The following PEX3 variants were observed in gnomAD, a reference collection of about 807,000 sequenced individuals.
PEX3 encodes peroxin-3.
A neutral mutation model predicts 55.8 loss-of-function variants in PEX3; 30 were observed. The observed-to-expected ratio is 0.54, with a 90% CI of 0.40 to 0.73. The LOEUF (loss-of-function observed/expected upper bound fraction) is 0.73, where lower values mean the gene tolerates loss of function less well. Ranked by LOEUF, PEX3 falls within the 30% of genes least tolerant of loss-of-function variation. PEX3 has a pLI of 0.00. For missense variants in PEX3, 351 were observed against 432.8 expected, an observed-to-expected ratio of 0.81 and a Z score of 1.68; for synonymous variants, 135 against 148.4, an observed-to-expected ratio of 0.91 and a Z score of 0.66.
chr6:143,478,161 C>G (rs1780178827), intron 9 of PEX3, among the ~76,000 whole-genome samples: 1 of 152,026 alleles, frequency 6.6e-6, no homozygotes, highest in African/African-American at 2.4e-5. Flanking sequence ...TGAAAGAAGC[C>G]AGACACAAAA....
chr6:143,479,113 C>A lies in PEX3; in HGVS notation c.856C>A (p.Arg286=), dbSNP rs147556993. The A allele has an allele frequency of 2.1e-4, 338 of 1,589,028 alleles. 1 individual carries two copies. The African/African-American group carries it at 4.1e-3, about 19-fold the overall frequency. ...TACAGTTTTGAATACCTGTTTAAAC[C>A]GAGGTTTTAGTAGACTTCTAGACAA... ...FSTVLNTCLN[R]GFSRLLDNMA... The change falls in exon 10 of 12, where the codon CGA becomes AGA. Residue 286 remains arginine, a synonymous_variant. Transcript: ENST00000367591. This position sits in a 1 kb window ranked among gnomAD's most constrained non-coding sequence, Gnocchi z 4.6.
intron 8 of PEX3, 80 bp downstream of exon 8, chr6:143,472,408 A>C: frequency 3.0e-6 from 3 of 997,166 alleles, no homozygotes; most frequent in Admixed American, 1.8e-5. Flanking sequence ...TTGATTTCTG[A>C]GTCTCTTGAA....
intron 10 of PEX3, among the ~76,000 whole-genome samples, chr6:143,484,019 G>A (rs1306020316): frequency 6.6e-6 from 1 of 151,842 alleles, no homozygotes; most frequent in African/African-American, 2.4e-5. Context: ...TTTAAGCATT[G>A]CCTCAAATCT....
intron 2 of PEX3, among the ~76,000 whole-genome samples, chr6:143,460,060 G>A (rs1307828072): frequency 6.6e-6 from 1 of 152,072 alleles, no homozygotes. Context: ...CTTTTCTATT[G>A]TTTAAAGCTT....
In PEX3 at chr6:143,487,517, A is replaced by G. The variant is rs192397311; in HGVS notation, c.1039-1626A>G. Among the ~76,000 whole-genome samples the G allele has an allele frequency of 2.6e-5, 4 of 152,230 alleles. No individual in the cohort carries two copies. Among genetic ancestry groups the G allele is most frequent in the African/African-American group, 7.2e-5 (3 of 41,566 alleles). ...TTTTAGTGTATAAATTAAAAACTCA[A>G]TAAGATCCTTAAGATTAGAGCTTTT... is the stretch of plus-strand genomic sequence containing the variant. On this transcript the variant is annotated intron_variant, in intron 11 of 11. Transcript: ENST00000367591. The surrounding 1 kb of genome is among the most constrained non-coding windows in gnomAD (Gnocchi z 5.3).
intron 10 of PEX3, among the ~76,000 whole-genome samples, chr6:143,480,694 A>G (rs1562657444): frequency 6.6e-6 from 1 of 152,274 alleles, no homozygotes; most frequent in East Asian, 1.9e-4. Context: ...TCATTGTTTA[A>G]TGTGTTGTGA....
rs1282274474 is a variant in PEX3 at position 143,482,572 on chromosome 6, G to A, written c.942-2580G>A. 6.6e-6 allele frequency among the ~76,000 whole-genome samples: 1 copy of A among 151,844 alleles called. No individual in the cohort carries two copies. Among genetic ancestry groups the A allele is most frequent in the Non-Finnish European group, 1.5e-5 (1 of 67,916 alleles). ...GGAATAATGGAATGAGAATGTTTAAGCAGTTATTGGAAAAGAAGAGCAATG... is the reference window on the plus strand; with the variant it reads ...GGAATAATGGAATGAGAATGTTTAAACAGTTATTGGAAAAGAAGAGCAATG... On this transcript the variant is annotated intron_variant, in intron 10 of 11. Transcript: ENST00000367591. The surrounding 1 kb of genome is among the most constrained non-coding windows in gnomAD (Gnocchi z 5.5).
In PEX3 at chr6:143,486,861, T is replaced by A. The variant is rs2128748173; in HGVS notation, c.1038+1613T>A. On this transcript the variant is annotated intron_variant, in intron 11 of 11. Transcript: ENST00000367591. The surrounding 1 kb of genome is among the most constrained non-coding windows in gnomAD (Gnocchi z 5.0). ...ACTTTAGGCTTAATGCAACATACAT[T>A]CTCTACAGAAACTATTCAACTCTGC... 1.3e-5 allele frequency among the ~76,000 whole-genome samples: 2 copies of A among 152,238 alleles called. No homozygotes were observed. The highest frequency in any genetic ancestry group is 3.4e-3 in the Middle Eastern group (1 of 294).
chr6:143,471,074 A>G lies in PEX3; in HGVS notation c.445A>G (p.Lys149Glu). ...YIYLDNAAVG[K>E]NGTTILAPPD... ...TTACCTGGATAATGCAGCAGTTGGC[A>G]AAAATGGCACTGTAAGTTTAATAGA... The change falls in exon 5 of 12, where the codon AAA (lysine) becomes GAA (glutamate). Residue 149 changes from lysine (K) to glutamate (E), a missense_variant. Physicochemically the swap from Lys to Glu is moderately conservative, Grantham distance 56. Coordinates refer to ENST00000367591, the MANE Select transcript of PEX3 (RefSeq NM_003630.3). This position sits in a 1 kb window ranked among gnomAD's most constrained non-coding sequence, Gnocchi z 5.4. 1 of 1,613,304 alleles carries G rather than the reference A, an allele frequency of 6.2e-7. No homozygotes were observed. Among genetic ancestry groups the G allele is most frequent in the Admixed American group, 1.7e-5 (1 of 60,022 alleles).
At chr6:143,478,997 G>A (rs1780190852) in intron 9 of PEX3, 79 bp from the exon 10 acceptor site, 1 of 846,154 alleles carries the variant, frequency 1.2e-6, no homozygotes, top group African/African-American at 1.7e-5. Context: ...GGCTTTCAAA[G>A]GTAACCACGT....
Position 143,479,092 on chromosome 6 carries a change from GT to G in PEX3, c.839del (p.Leu280Ter). ...DMLESPDFST[V>X]LNTCLNRGFS... ...TTTATATAGCCCAGATTTTAGTACA[GT>G]TTTGAATACCTGTTTAAACCGAGGT... On this transcript the variant is annotated frameshift_variant, in exon 10 of 12. Coordinates refer to ENST00000367591, the MANE Select transcript of PEX3 (RefSeq NM_003630.3). LOFTEE classifies it high-confidence loss of function. This position sits in a 1 kb window ranked among gnomAD's most constrained non-coding sequence, Gnocchi z 4.6. 6.3e-7 allele frequency: 1 copy of G among 1,576,418 alleles called. No homozygotes were observed. Among genetic ancestry groups the G allele is most frequent in the Non-Finnish European group, 8.7e-7 (1 of 1,145,948 alleles).
chr6:143,485,673 GCAT>G lies in PEX3; in HGVS notation c.1038+428_1038+430del, dbSNP rs1780314206. On this transcript the variant is annotated intron_variant, in intron 11 of 11. Transcript: ENST00000367591. This position sits in a 1 kb window ranked among gnomAD's most constrained non-coding sequence, Gnocchi z 5.6. ...TTAATAAAATGTAACAGTTAATAGT[GCAT>G]CAATAATATGCTCACTAAAAGCCAC... 6.6e-6 allele frequency among the ~76,000 whole-genome samples: 1 copy of G among 152,020 alleles called. No homozygotes were observed. Among genetic ancestry groups the G allele is most frequent in the South Asian group, 2.1e-4 (1 of 4,828 alleles).
At position 143,487,827 on chromosome 6, in the gene PEX3, T is replaced by C. The variant is rs187831470; in HGVS notation, c.1039-1316T>C. Reference sequence around the variant, plus strand: ...TTGAAAGATTTTCTGCCTCTGTTCTTCTCTCATTAGCACAAGACAGTTAAA... The same window carrying C: ...TTGAAAGATTTTCTGCCTCTGTTCTCCTCTCATTAGCACAAGACAGTTAAA... On this transcript the variant is annotated intron_variant, in intron 11 of 11. Transcript: ENST00000367591. The surrounding 1 kb of genome is among the most constrained non-coding windows in gnomAD (Gnocchi z 5.3). 1.1e-4 allele frequency among the ~76,000 whole-genome samples: 17 copies of C among 152,198 alleles called. No individual in the cohort carries two copies. The highest frequency in any genetic ancestry group is 9.8e-4 in the Admixed American group (15 of 15,270).
rs73778389 is a variant in PEX3, at chr6:143,457,276, A to G, written c.74-1809A>G. 1.9e-3 allele frequency among the ~76,000 whole-genome samples: 290 copies of G among 152,314 alleles called. 2 individuals are homozygous for G. Among genetic ancestry groups the G allele is most frequent in the African/African-American group, 6.2e-3 (258 of 41,572 alleles). ...AGTCAGTTTCCTTTGTTGGTATTGT[A>G]GCACTATCATCAGTTTCTTTAGAAT... On this transcript the variant is annotated intron_variant, in intron 1 of 11. Coordinates refer to ENST00000367591, the MANE Select transcript of PEX3 (RefSeq NM_003630.3).
At position 143,465,131 on chromosome 6, in the gene PEX3, A is replaced by G. The variant is rs1169680015; in HGVS notation, c.287+2134A>G. Among the ~76,000 whole-genome samples the G allele has an allele frequency of 2.6e-5, 4 of 152,018 alleles. No individual in the cohort carries two copies. Among genetic ancestry groups the G allele is most frequent in the Non-Finnish European group, 5.9e-5 (4 of 67,886 alleles). ...AATTCTCTTTACTTTTTATTTCTCC[A>G]TGAAGGTATTTTAGTGACATTAAAG... On this transcript the variant is annotated intron_variant, in intron 3 of 11. Coordinates refer to ENST00000367591, the MANE Select transcript of PEX3 (RefSeq NM_003630.3). This position sits in a 1 kb window ranked among gnomAD's most constrained non-coding sequence, Gnocchi z 4.7.
At position 143,472,205 on chromosome 6, in the gene PEX3, A is replaced by C. The variant is rs761530829; in HGVS notation, c.624A>C (p.Lys208Asn). ...TGTCCCTTTTGGACTTGGAGCAAAAACTAAAAGAAATCAGAAATCTCGTTG... is the reference window on the plus strand; with the variant it reads ...TGTCCCTTTTGGACTTGGAGCAAAACCTAAAAGAAATCAGAAATCTCGTTG... ...HSLSLLDLEQ[K>N]LKEIRNLVEQ... is the part of the protein sequence containing the mutation. Residue 208 changes from lysine to asparagine, a missense_variant, in exon 8 of 12, where the codon AAA (lysine) becomes AAC (asparagine). Transcript: ENST00000367591. 1.2e-6 allele frequency: 2 copies of C among 1,610,772 alleles called. No individual in the cohort carries two copies. The highest frequency in any genetic ancestry group is 1.1e-5 in the South Asian group (1 of 91,008).
intron 8 of PEX3, among the ~76,000 whole-genome samples, chr6:143,473,999 C>T (rs1280321021): frequency 6.6e-6 from 1 of 151,958 alleles, no homozygotes; most frequent in Non-Finnish European, 1.5e-5. Context: ...TATGGTGGCC[C>T]ATGCCTGTAG....
At chr6:143,469,347 G>C (rs1780039296) in intron 4 of PEX3, among the ~76,000 whole-genome samples, 1 of 152,146 alleles carries the variant, frequency 6.6e-6, no homozygotes, top group Admixed American at 6.5e-5. Flanking sequence ...GTTGTTTCCT[G>C]ACTTTTTAAT....
chr6:143,489,087 A>G lies in PEX3; in HGVS notation c.1039-56A>G. The G allele has an allele frequency of 1.7e-6, 2 of 1,159,134 alleles. No individual in the cohort carries two copies. Among genetic ancestry groups the G allele is most frequent in the Non-Finnish European group, 2.6e-6 (2 of 766,564 alleles). 71.8% of individuals were successfully genotyped at this position (1,159,134 alleles called of 1,614,324 possible). ...ATTCATCGCTTGATTGCAGAAATTA[A>G]TTCAAATTAGCTATATGTTTTGCAA... On this transcript the variant is annotated intron_variant, in intron 11 of 11. Transcript: ENST00000367591. The surrounding 1 kb of genome is among the most constrained non-coding windows in gnomAD (Gnocchi z 5.5).
Sources: allele counts gnomAD v4.1 joint callset (sites outside exome capture counted in the v4.1 genomes callset), GRCh38; gene constraint gnomAD v4.1.1; non-coding constraint Gnocchi (gnomAD v3.1); transcripts MANE v1.5; gene names NCBI Gene and HGNC (gene_info 2026-07-23, HGNC 2026-07-21).